FRMD4A: variants seen among roughly 807,000 people sequenced by gnomAD.
The protein encoded by FRMD4A is FERM domain containing 4A, also known as FERM domain-containing protein 4A.
A neutral mutation model predicts 129.1 loss-of-function variants in FRMD4A; 29 were observed. The ratio of observed to expected loss-of-function variants is 0.22; its 90% confidence interval spans 0.17 to 0.31. The LOEUF is 0.31. FRMD4A is among the 10% of genes least tolerant of loss of function. The pLI is 1.00. For synonymous variants in FRMD4A, 634 were observed against 571.6 expected (o/e 1.11, Z -1.56); for missense variants, 1,272 against 1,375.8 (o/e 0.92, Z 1.19).
intron 2 of FRMD4A, among the ~76,000 whole-genome samples, chr10:13,980,385 T>C (rs7898370): frequency 0.077 from 11,748 of 152,264 alleles, 531 homozygotes; most frequent in African/African-American, 0.088. Context: ...CCATCACATT[T>C]TCTATATTTG....
intron 2 of FRMD4A, among the ~76,000 whole-genome samples, chr10:13,933,669 CTTTTCCAG>C (rs2095222904): frequency 6.6e-6 from 1 of 152,172 alleles, no homozygotes. Flanking sequence ...TCAAGCATTT[CTTTTCCAG>C]ATTTTCAACA....
At chr10:14,211,641 C>T (rs1466747510) in intron 2 of FRMD4A, among the ~76,000 whole-genome samples, 2 of 152,178 alleles carry the variant, frequency 1.3e-5, no homozygotes, top group Non-Finnish European at 2.9e-5. Flanking sequence ...GGGTCCTCCT[C>T]CAGCTTAGCC....
intron 2 of FRMD4A, among the ~76,000 whole-genome samples, chr10:13,867,827 T>G (rs914876253): frequency 6.6e-5 from 9 of 136,566 alleles, no homozygotes; most frequent in Non-Finnish European, 1.2e-4. Flanking sequence ...ATATAATATA[T>G]AATATATAAT....
At chr10:13,849,000 T>G (rs925990988) in intron 3 of FRMD4A, among the ~76,000 whole-genome samples, 1 of 152,242 alleles carries the variant, frequency 6.6e-6, no homozygotes, top group South Asian at 2.1e-4. Context: ...GCTTTTCAAA[T>G]GTTAAATATT....
intron 3 of FRMD4A, among the ~76,000 whole-genome samples, chr10:13,847,845 G>A (rs532353626): frequency 3.3e-5 from 5 of 152,286 alleles, no homozygotes; most frequent in South Asian, 2.1e-4. Context: ...ATAGCACAGC[G>A]GTAGACAAAT....
intron 2 of FRMD4A, among the ~76,000 whole-genome samples, chr10:14,062,272 A>C (rs1834850568): frequency 6.6e-6 from 1 of 152,224 alleles, no homozygotes; most frequent in Non-Finnish European, 1.5e-5. Context: ...TTAGGGGGAA[A>C]AAGAAGATTA....
intron 2 of FRMD4A, among the ~76,000 whole-genome samples, chr10:14,048,403 A>G (rs929634737): frequency 6.6e-6 from 1 of 152,246 alleles, no homozygotes; most frequent in Non-Finnish European, 1.5e-5. Flanking sequence ...ACTCCCCACT[A>G]CATTACAACA....
chr10:13,868,877 G>A (rs1334538965), intron 2 of FRMD4A, among the ~76,000 whole-genome samples: 1 of 152,192 alleles, frequency 6.6e-6, no homozygotes, highest in Non-Finnish European at 1.5e-5. Context: ...TTATACACCA[G>A]ATGGAAGTTA....
At chr10:14,304,101 A>C (rs1846270151) in intron 2 of FRMD4A, among the ~76,000 whole-genome samples, 1 of 152,216 alleles carries the variant, frequency 6.6e-6, no homozygotes, top group African/African-American at 2.4e-5. Context: ...GAACATGGGT[A>C]TACAAATATC....
chr10:14,259,205 G>A (rs1844717558), intron 2 of FRMD4A, among the ~76,000 whole-genome samples: 1 of 151,966 alleles, frequency 6.6e-6, no homozygotes, highest in South Asian at 2.1e-4. Context: ...AAAGGTAAAT[G>A]GCAAACAATA....
chr10:13,880,959 G>C (rs1293411248), intron 2 of FRMD4A, among the ~76,000 whole-genome samples: 1 of 152,078 alleles, frequency 6.6e-6, no homozygotes, highest in Non-Finnish European at 1.5e-5. Flanking sequence ...AGACTTGGTT[G>C]GTTTTTCTCA....
At chr10:13,903,635 G>C (rs1438757243) in intron 2 of FRMD4A, among the ~76,000 whole-genome samples, 1 of 152,016 alleles carries the variant, frequency 6.6e-6, no homozygotes, top group Non-Finnish European at 1.5e-5. Flanking sequence ...TACTCAGGAG[G>C]CTGAGGCATG....
intron 2 of FRMD4A, among the ~76,000 whole-genome samples, chr10:14,189,642 C>G (rs914393794): frequency 2.0e-5 from 3 of 152,146 alleles, no homozygotes; most frequent in Non-Finnish European, 2.9e-5. Context: ...AAGTAACATT[C>G]TTTGTTCTTG....
intron 2 of FRMD4A, among the ~76,000 whole-genome samples, chr10:14,060,397 T>C (rs1339878403): frequency 6.6e-6 from 1 of 152,126 alleles, no homozygotes; most frequent in Admixed American, 6.5e-5. Flanking sequence ...ATTATTACAA[T>C]CCTGTTTTGC....
chr10:14,208,424 T>C (rs1842846534), intron 2 of FRMD4A, among the ~76,000 whole-genome samples: 1 of 152,234 alleles, frequency 6.6e-6, no homozygotes, highest in South Asian at 2.1e-4. Flanking sequence ...GCCTTACTCA[T>C]ATGCTCTCAT....
At chr10:13,944,581 G>T (rs78740040) in intron 2 of FRMD4A, among the ~76,000 whole-genome samples, 1 of 151,970 alleles carries the variant, frequency 6.6e-6, no homozygotes, top group Non-Finnish European at 1.5e-5. Context: ...TCAGGTCCCC[G>T]GTGCCAAAAA....
intron 3 of FRMD4A, among the ~76,000 whole-genome samples, chr10:13,845,388 C>A (rs936828700): frequency 6.6e-6 from 1 of 152,150 alleles, no homozygotes; most frequent in South Asian, 2.1e-4. Flanking sequence ...GGACTGTCAA[C>A]CCATCACTTT....
chr10:14,254,682 A>C (rs1439991566), intron 2 of FRMD4A, among the ~76,000 whole-genome samples: 2 of 152,074 alleles, frequency 1.3e-5, no homozygotes, highest in East Asian at 3.9e-4. Flanking sequence ...CTTCTCATCT[A>C]TCATAAAAAT....
chr10:13,966,619 C>T (rs778655243), intron 2 of FRMD4A, among the ~76,000 whole-genome samples: 8 of 152,208 alleles, frequency 5.3e-5, no homozygotes, highest in Non-Finnish European at 1.0e-4. Flanking sequence ...AAGTTTCCCT[C>T]CAGGGCTGGG....
Sources: allele counts gnomAD v4.1 joint callset (sites outside exome capture counted in the v4.1 genomes callset), GRCh38; gene constraint gnomAD v4.1.1; transcripts MANE v1.5; gene names NCBI Gene and HGNC (gene_info 2026-07-23, HGNC 2026-07-21).